Variants in TBC1D31 observed in about 807,000 individuals in gnomAD.
TBC1D31 encodes WD repeat domain 67.
Under a neutral mutation model 132.9 loss-of-function variants are expected in TBC1D31, and 99 were observed. The observed-to-expected ratio is 0.74, with a 90% confidence interval of 0.63 to 0.88. The LOEUF (loss-of-function observed/expected upper bound fraction) is 0.88. Ranked by LOEUF, TBC1D31 falls within the 40% of genes least tolerant of loss-of-function variation. The pLI is 0.00. For missense variants in TBC1D31, 1,134 were observed against 1,256.6 expected (o/e 0.90, Z 1.48); for synonymous variants, 385 against 419.4 (o/e 0.92, Z 1.00).
the TBC1D31 span, among the ~76,000 whole-genome samples, chr8:123,161,368 C>T: frequency 2.6e-5 from 4 of 152,240 alleles, no homozygotes; most frequent in Non-Finnish European, 5.9e-5. Flanking sequence ...TGAACGCGCT[C>T]CTTCCTCCCA....
intron 2 of TBC1D31, among the ~76,000 whole-genome samples, chr8:123,082,100 A>C (rs1272961304): frequency 6.6e-5 from 10 of 152,230 alleles, no homozygotes. Context: ...CAACATGTTT[A>C]AAAGCAGGTT....
Position 123,128,304 on chromosome 8 carries a change from C to A in TBC1D31, c.1908C>A (p.Asn636Lys). Residue 636 changes from asparagine to lysine, a missense_variant, in exon 14 of 22, where the codon AAC becomes AAA. Asn to Lys is a moderately conservative substitution (Grantham distance 94, BLOSUM62 0). Coordinates refer to ENST00000287380, the MANE Select transcript of TBC1D31 (RefSeq NM_145647.4). ...AGTTTTTTTTTCACCATCGGAATAA[C>A]CTGGATATAAATGTTGTGATTAGAC... ...DFEFFFHHRN[N>K]LDINVVIRQV... The A allele has an allele frequency of 6.2e-7, 1 of 1,607,036 alleles. No homozygotes were observed. The highest frequency in any genetic ancestry group is 8.5e-7 in the Non-Finnish European group (1 of 1,174,816).
chr8:123,128,151 G>T, intron 13 of TBC1D31, 130 bp from the exon 14 acceptor site: 1 of 490,252 alleles, frequency 2.0e-6, no homozygotes, highest in East Asian at 3.2e-5. Flanking sequence ...GTAAAGAAAA[G>T]CTTTAATGAA....
intron 16 of TBC1D31, among the ~76,000 whole-genome samples, chr8:123,131,682 C>A (rs572686419): frequency 1.3e-5 from 2 of 152,242 alleles, no homozygotes; most frequent in South Asian, 4.1e-4. Context: ...TTGTAAAAGT[C>A]TTTGAGTACT....
At chr8:123,105,911 T>C (rs1479957298) in intron 8 of TBC1D31, among the ~76,000 whole-genome samples, 1 of 152,138 alleles carries the variant, frequency 6.6e-6, no homozygotes, top group African/African-American at 2.4e-5. Context: ...AGCTTATTGC[T>C]CCACGCTCTC....
At chr8:123,085,842 C>G (rs1815683144) in intron 4 of TBC1D31, among the ~76,000 whole-genome samples, 1 of 152,136 alleles carries the variant, frequency 6.6e-6, no homozygotes, top group Non-Finnish European at 1.5e-5. Context: ...TTTTTTCCAA[C>G]TATGTAGAAA....
At chr8:123,120,270 T>A in intron 11 of TBC1D31, 82 bp downstream of exon 11, 1 of 1,157,190 alleles carries the variant, frequency 8.6e-7, no homozygotes. Context: ...TTGCAACATT[T>A]AACAATTCTA....
intron 17 of TBC1D31, among the ~76,000 whole-genome samples, chr8:123,140,117 T>C (rs948058022): frequency 4.6e-5 from 7 of 152,200 alleles, no homozygotes; most frequent in African/African-American, 1.4e-4. Flanking sequence ...CCTAGCATTT[T>C]GGGAGGCCGA....
the TBC1D31 span, among the ~76,000 whole-genome samples, chr8:123,159,261 T>G: frequency 7.3e-6 from 1 of 136,262 alleles, no homozygotes; most frequent in Admixed American, 7.4e-5. Flanking sequence ...AAGTCGTATT[T>G]GAACAGGAAA....
the TBC1D31 span, among the ~76,000 whole-genome samples, chr8:123,160,818 T>C: frequency 2.0e-5 from 3 of 152,082 alleles, no homozygotes; most frequent in African/African-American, 7.2e-5. Flanking sequence ...CCGTAAAGTG[T>C]CTCCAGCTTT....
chr8:123,132,403 C>CTTTTTTTTT (rs34901750), intron 16 of TBC1D31, among the ~76,000 whole-genome samples: 1 of 55,444 alleles, frequency 1.8e-5, no homozygotes, highest in African/African-American at 7.2e-5. Context: ...TTTTTTAAGT[C>CTTTTTTTTT]TTTTTTTTTT....
chr8:123,149,085 A>G (rs1302258619), intron 20 of TBC1D31, among the ~76,000 whole-genome samples: 1 of 152,136 alleles, frequency 6.6e-6, no homozygotes, highest in Non-Finnish European at 1.5e-5. Flanking sequence ...AAATAGTTCA[A>G]TCTGCTTTTT....
intron 13 of TBC1D31, chr8:123,128,058 A>AT (rs1215366994): frequency 1.1e-5 from 4 of 347,868 alleles, no homozygotes; most frequent in African/African-American, 6.3e-5. Flanking sequence ...AAAAGCCTTC[A>AT]TTTTTTAATT....
At chr8:123,078,866 A>G (rs530579635) in intron 2 of TBC1D31, among the ~76,000 whole-genome samples, 49 of 152,320 alleles carry the variant, frequency 3.2e-4, no homozygotes, top group African/African-American at 1.2e-3. Context: ...ATACTTATTA[A>G]TTATAGAAGA....
At chr8:123,163,712 G>A in the TBC1D31 span, among the ~76,000 whole-genome samples, 1 of 152,056 alleles carries the variant, frequency 6.6e-6, no homozygotes, top group Non-Finnish European at 1.5e-5. Context: ...CCTTTGGGGG[G>A]TACAGGTGGT....
chr8:123,086,636 G>C (rs2129966579), intron 4 of TBC1D31, among the ~76,000 whole-genome samples: 1 of 152,152 alleles, frequency 6.6e-6, no homozygotes, highest in South Asian at 2.1e-4. Flanking sequence ...CCACCCTAAG[G>C]GAGCTGGCAC....
chr8:123,082,708 T>G lies in TBC1D31; in HGVS notation c.231T>G (p.Asn77Lys). Residue 77 changes from asparagine (N) to lysine (K), a missense_variant, in exon 3 of 22, where the codon AAT becomes AAG. Asn to Lys is a moderately conservative substitution (Grantham distance 94). Transcript: ENST00000287380. The stretch of plus-strand genomic sequence containing the variant: ...TGCAATGATCTCTTAATAGGTTCAA[T>G]CTTGTTCAGCGAACAGCACAAGCTT... ...YVFDLHGNRF[N>K]LVQRTAQACT... 1 of 1,606,114 alleles carries G rather than the reference T, an allele frequency of 6.2e-7. No homozygotes were observed. The highest frequency in any genetic ancestry group is 1.1e-5 in the South Asian group (1 of 90,302).
rs528449440 is a variant in TBC1D31, at chr8:123,100,983, G to A, written c.1008G>A (p.Gln336=). The change falls in exon 7 of 22, where the codon CAG becomes CAA. Residue 336 remains glutamine, a synonymous_variant. Transcript: ENST00000287380. ...GAAGTCTAAACATATATTCAGTTCAGGCTTTAACACAAGAAATAAATAAGG... is the reference window on the plus strand; with the variant it reads ...GAAGTCTAAACATATATTCAGTTCAAGCTTTAACACAAGAAATAAATAAGG... ...ENGSLNIYSV[Q]ALTQEINKPP... The A allele has an allele frequency of 6.2e-7, 1 of 1,613,114 alleles. No individual in the cohort carries two copies. Among genetic ancestry groups the A allele is most frequent in the Middle Eastern group, 1.7e-4 (1 of 6,060 alleles).
intron 3 of TBC1D31, 86 bp downstream of exon 3, chr8:123,082,903 A>G: frequency 2.2e-6 from 2 of 896,868 alleles, no homozygotes; most frequent in Non-Finnish European, 3.4e-6. Context: ...GTACAGCTTG[A>G]GGGGGCAGTC....
Sources: allele counts gnomAD v4.1 joint callset (sites outside exome capture counted in the v4.1 genomes callset), GRCh38; gene constraint gnomAD v4.1.1; transcripts MANE v1.5; gene names NCBI Gene and HGNC (gene_info 2026-07-23, HGNC 2026-07-21).